The following SYCP1 variants were observed in gnomAD, a reference collection of about 807,000 sequenced individuals.
SYCP1 encodes synaptonemal complex protein 1.
A neutral mutation model predicts 153.1 loss-of-function variants in SYCP1; 64 were observed. That is an observed-to-expected ratio of 0.42 (90% CI 0.34 to 0.51). SYCP1 has a LOEUF of 0.51. SYCP1 is among the 20% of genes least tolerant of loss of function. The pLI is 0.06. For missense variants in SYCP1, 997 were observed against 1,049.0 expected (o/e 0.95, Z 0.68); for synonymous variants, 384 against 341.8 (o/e 1.12, Z -1.36).
chr1:114,855,772 G>C (rs1255007049), intron 2 of SYCP1, among the ~76,000 whole-genome samples, 200 bp downstream of exon 2: 5 of 152,152 alleles, frequency 3.3e-5, no homozygotes, highest in Non-Finnish European at 4.4e-5. Flanking sequence ...AATGACTGCT[G>C]CCGTAGAACT....
At chr1:114,907,354 T>A (rs1667877175) in intron 16 of SYCP1, among the ~76,000 whole-genome samples, 1 of 152,196 alleles carries the variant, frequency 6.6e-6, no homozygotes, top group Admixed American at 6.5e-5. Context: ...AGATTCACCA[T>A]TTAAAAGTTG....
chr1:114,923,879 A>G (rs1300805974), intron 21 of SYCP1, among the ~76,000 whole-genome samples: 1 of 152,198 alleles, frequency 6.6e-6, no homozygotes, highest in East Asian at 1.9e-4. Flanking sequence ...TGAATATGAT[A>G]TCAAATTAAG....
intron 15 of SYCP1, among the ~76,000 whole-genome samples, chr1:114,894,418 A>G (rs1459205909): frequency 6.6e-6 from 1 of 152,180 alleles, no homozygotes; most frequent in Admixed American, 6.5e-5. Context: ...TGACAGCTGG[A>G]CATATTAGGG....
At chr1:114,950,758 T>C (rs72695827) in intron 27 of SYCP1, among the ~76,000 whole-genome samples, 9,235 of 152,100 alleles carry the variant, frequency 0.061, 320 homozygotes, top group Middle Eastern at 0.13. Context: ...TATAGACTGA[T>C]TATCTAGCTA....
chr1:114,949,962 C>T (rs1670985740), intron 27 of SYCP1, among the ~76,000 whole-genome samples: 1 of 152,174 alleles, frequency 6.6e-6, no homozygotes, highest in Non-Finnish European at 1.5e-5. Context: ...CACACATGCA[C>T]ACACACAAAT....
intron 12 of SYCP1, among the ~76,000 whole-genome samples, chr1:114,881,746 C>T (rs1292665704): frequency 3.3e-5 from 5 of 152,138 alleles, no homozygotes; most frequent in Admixed American, 1.3e-4. Flanking sequence ...TAGCGATCCT[C>T]CTGCCTTGGC....
chr1:114,965,970 TC>T (rs1236963355), intron 27 of SYCP1, among the ~76,000 whole-genome samples: 2 of 152,290 alleles, frequency 1.3e-5, no homozygotes, highest in African/African-American at 4.8e-5. Flanking sequence ...ACCCATCTGG[TC>T]CTGGGCTTTT....
intron 27 of SYCP1, among the ~76,000 whole-genome samples, chr1:114,972,925 C>T (rs1396194441): frequency 6.6e-6 from 1 of 152,088 alleles, no homozygotes; most frequent in African/African-American, 2.4e-5. Flanking sequence ...GTCTATAGTG[C>T]AGATTAAGTC....
chr1:114,936,266 G>A (rs1670002685), intron 23 of SYCP1, among the ~76,000 whole-genome samples: 2 of 152,088 alleles, frequency 1.3e-5, no homozygotes, highest in South Asian at 2.1e-4. Flanking sequence ...ATCAATAAAC[G>A]TAATCCATCA....
At chr1:114,927,417 C>G (rs541069186) in intron 23 of SYCP1, among the ~76,000 whole-genome samples, 1 of 152,074 alleles carries the variant, frequency 6.6e-6, no homozygotes, top group Non-Finnish European at 1.5e-5. Flanking sequence ...CTGAAATAAC[C>G]CAGATGTTAG....
intron 8 of SYCP1, chr1:114,863,212 ACT>A (rs1159883235): frequency 6.6e-6 from 1 of 152,220 alleles, no homozygotes; most frequent in Non-Finnish European, 1.5e-5. Context: ...GAATCACCAC[ACT>A]GTCTTCCACA....
At chr1:114,896,779 C>T (rs776981880) in intron 16 of SYCP1, among the ~76,000 whole-genome samples, 2 of 152,162 alleles carry the variant, frequency 1.3e-5, no homozygotes, top group Admixed American at 6.5e-5. Context: ...TGGACAAGGA[C>T]TGGTTTGGAG....
intron 30 of SYCP1, among the ~76,000 whole-genome samples, chr1:114,985,923 AAAT>A (rs1673471010): frequency 6.6e-6 from 1 of 151,818 alleles, no homozygotes; most frequent in Non-Finnish European, 1.5e-5. Flanking sequence ...AAAAAAAAAA[AAAT>A]AAATAACAAT....
At position 114,876,052 on chromosome 1, in the gene SYCP1, A is replaced by C. The variant is rs1665507324; in HGVS notation, c.658-17A>C. ...TTAAAAAAATTTAAGTATGATTCTT[A>C]AAACTTTATATTTCAGAAAATGATA... is the stretch of plus-strand genomic sequence containing the variant. On this transcript the variant is annotated splice_polypyrimidine_tract_variant and intron_variant, in intron 9 of 31. Transcript: ENST00000369522. 6.5e-7 allele frequency: 1 copy of C among 1,527,760 alleles called. No individual in the cohort carries two copies. The highest frequency in any genetic ancestry group is 1.3e-5 in the South Asian group (1 of 77,060). 94.6% of individuals were successfully genotyped at this position (1,527,760 alleles called of 1,614,324 possible).
intron 16 of SYCP1, among the ~76,000 whole-genome samples, chr1:114,895,988 T>C (rs1667035284): frequency 6.6e-6 from 1 of 152,198 alleles, no homozygotes; most frequent in African/African-American, 2.4e-5. Flanking sequence ...GTAAATATTT[T>C]ACAGTTTGTG....
At chr1:114,885,653 G>A in intron 13 of SYCP1, 24 bp downstream of exon 13, 1 of 1,327,802 alleles carries the variant, frequency 7.5e-7, no homozygotes, top group Non-Finnish European at 1.1e-6. Flanking sequence ...ACTCATTAGT[G>A]TGTAATAAGT....
chr1:114,926,146 T>A (rs1036495130), intron 21 of SYCP1, 132 bp from the exon 22 acceptor site: 12 of 635,170 alleles, frequency 1.9e-5, no homozygotes, highest in Non-Finnish European at 2.2e-5. Context: ...GTATAATTTT[T>A]ATATTAATGG....
intron 23 of SYCP1, among the ~76,000 whole-genome samples, chr1:114,935,138 A>G (rs561493618): frequency 6.6e-6 from 1 of 152,316 alleles, no homozygotes; most frequent in African/African-American, 2.4e-5. Context: ...CTATTCCAAA[A>G]TTGACCACAT....
intron 27 of SYCP1, among the ~76,000 whole-genome samples, chr1:114,955,355 C>A (rs1476723373): frequency 6.6e-6 from 1 of 152,066 alleles, no homozygotes; most frequent in Non-Finnish European, 1.5e-5. Context: ...AATATAAGTT[C>A]ATGAGAAATA....
Sources: allele counts gnomAD v4.1 joint callset (sites outside exome capture counted in the v4.1 genomes callset), GRCh38; gene constraint gnomAD v4.1.1; transcripts MANE v1.5; gene names NCBI Gene and HGNC (gene_info 2026-07-23, HGNC 2026-07-21).